The following PDE4D variants were observed in gnomAD, a reference collection of about 807,000 sequenced individuals.
The protein encoded by PDE4D is phosphodiesterase 4D.
In PDE4D, 24 loss-of-function variants were observed where a neutral mutation model predicts 87.4. That is an observed-to-expected ratio of 0.27 (90% confidence interval 0.20 to 0.39). The LOEUF is 0.39. Ranked by LOEUF, PDE4D falls within the 10% of genes least tolerant of loss-of-function variation. The pLI, the probability that PDE4D is intolerant of heterozygous loss-of-function variation, is 1.00. For synonymous variants in PDE4D, 384 were observed against 383.2 expected, an observed-to-expected ratio of 1.00 and a Z score of -0.02; for missense variants, 714 against 1,041.0, an observed-to-expected ratio of 0.69 and a Z score of 4.32.
intron 1 of PDE4D, among the ~76,000 whole-genome samples, chr5:59,611,731 T>C (rs1388569695): frequency 1.3e-5 from 2 of 152,222 alleles, no homozygotes; most frequent in East Asian, 3.8e-4. Flanking sequence ...AATCTCACTT[T>C]GGCCCACCTT....
chr5:59,393,174 A>T (rs1375591326), intron 1 of PDE4D, among the ~76,000 whole-genome samples: 1 of 152,186 alleles, frequency 6.6e-6, no homozygotes, highest in Non-Finnish European at 1.5e-5. Flanking sequence ...TATGGAAAGA[A>T]ATATACTGAT....
chr5:60,416,467 G>A (rs949055994), intron 1 of PDE4D, among the ~76,000 whole-genome samples: 5 of 151,914 alleles, frequency 3.3e-5, no homozygotes, highest in Non-Finnish European at 5.9e-5. Context: ...GGAAGCCAGC[G>A]AGACCACAAA....
chr5:59,563,174 G>A (rs943226955), intron 1 of PDE4D, among the ~76,000 whole-genome samples: 2 of 152,214 alleles, frequency 1.3e-5, no homozygotes, highest in Non-Finnish European at 2.9e-5. Flanking sequence ...TGTCAGACAT[G>A]CTGCTGAGCA....
At chr5:60,287,419 G>C (rs1053154043) in intron 1 of PDE4D, among the ~76,000 whole-genome samples, 1 of 152,186 alleles carries the variant, frequency 6.6e-6, no homozygotes, top group Non-Finnish European at 1.5e-5. Context: ...CTTGCCTCTT[G>C]TAAGTACGTG....
intron 1 of PDE4D, among the ~76,000 whole-genome samples, chr5:60,466,902 T>C (rs1358573573): frequency 1.4e-5 from 2 of 141,680 alleles, no homozygotes; most frequent in South Asian, 2.6e-4. Context: ...CCACCCAGTA[T>C]AGGCCCTTGT....
Position 59,077,444 on chromosome 5 carries a change from T to C in PDE4D, c.809-38473A>G, listed in dbSNP as rs1274613356. Reference sequence around the variant, plus strand: ...AAGCAGTTACACTATACTGTATATCTGCAGGATGGGCAACTGATTTTTTTT... The same window carrying C: ...AAGCAGTTACACTATACTGTATATCCGCAGGATGGGCAACTGATTTTTTTT... On this transcript the variant is annotated intron_variant, in intron 5 of 14. Coordinates refer to ENST00000340635, the MANE Select transcript of PDE4D (RefSeq NM_001104631.2). 2.6e-5 allele frequency among the ~76,000 whole-genome samples: 4 copies of C among 151,714 alleles called. No homozygotes were observed. The East Asian group carries it at 7.8e-4, about 29-fold the overall frequency.
chr5:60,436,400 C>A (rs542734161), intron 1 of PDE4D, among the ~76,000 whole-genome samples: 2 of 152,164 alleles, frequency 1.3e-5, no homozygotes, highest in South Asian at 2.1e-4. Flanking sequence ...ATTTATTTCC[C>A]TGAGCTCTCC....
At chr5:59,810,781 T>C (rs951431931) in intron 1 of PDE4D, among the ~76,000 whole-genome samples, 3 of 152,260 alleles carry the variant, frequency 2.0e-5, no homozygotes, top group African/African-American at 7.2e-5. Context: ...ATACAAACTT[T>C]AATGGCTATT....
At chr5:60,133,428 A>T (rs1304751335) in intron 2 of PDE4D, among the ~76,000 whole-genome samples, 1 of 152,062 alleles carries the variant, frequency 6.6e-6, no homozygotes. Flanking sequence ...TCCTGGGTTC[A>T]AGTGATTCTC....
At chr5:59,694,195 T>C (rs2150417632) in intron 1 of PDE4D, among the ~76,000 whole-genome samples, 1 of 152,322 alleles carries the variant, frequency 6.6e-6, no homozygotes, top group Admixed American at 6.5e-5. Context: ...CAAAACTTTA[T>C]TATTTTATTG....
At chr5:60,224,442 T>C (rs1203694517) in intron 1 of PDE4D, among the ~76,000 whole-genome samples, 1 of 152,130 alleles carries the variant, frequency 6.6e-6, no homozygotes, top group Admixed American at 6.6e-5. Context: ...TGTGTGATTC[T>C]GCTTCCCTTG....
intron 1 of PDE4D, among the ~76,000 whole-genome samples, chr5:59,505,890 T>C (rs956657779): frequency 3.9e-5 from 6 of 152,308 alleles, no homozygotes; most frequent in Admixed American, 1.3e-4. Context: ...TCATAGCTCA[T>C]AGATGAAATA....
At chr5:60,515,133 T>C (rs917562191) in intron 1 of PDE4D, among the ~76,000 whole-genome samples, 1 of 152,150 alleles carries the variant, frequency 6.6e-6, no homozygotes, top group Non-Finnish European at 1.5e-5. Flanking sequence ...GAACCATTTT[T>C]CTTTGTGTCA....
At chr5:60,172,101 A>C in intron 2 of PDE4D, among the ~76,000 whole-genome samples, 1 of 147,112 alleles carries the variant, frequency 6.8e-6, no homozygotes, top group Admixed American at 6.8e-5. Flanking sequence ...TAAATGAGTG[A>C]ATATATATAT....
intron 5 of PDE4D, among the ~76,000 whole-genome samples, chr5:59,155,343 A>C (rs1425742168): frequency 1.3e-5 from 2 of 152,216 alleles, no homozygotes; most frequent in East Asian, 3.8e-4. Context: ...AATGGCTCCC[A>C]ACAAAAACAT....
chr5:59,273,059 G>A (rs17528550), intron 1 of PDE4D, among the ~76,000 whole-genome samples: 9,750 of 152,226 alleles, frequency 0.064, 348 homozygotes, highest in Middle Eastern at 0.13. Context: ...AGATGGTAAA[G>A]CCAGAAAGAT....
chr5:59,050,126 G>A (rs566322505), intron 5 of PDE4D, among the ~76,000 whole-genome samples: 67 of 152,248 alleles, frequency 4.4e-4, no homozygotes, highest in Non-Finnish European at 9.0e-4. Context: ...CATTAGCCAC[G>A]CATGGTGGCG....
At chr5:60,056,893 C>T (rs935684520) in intron 2 of PDE4D, among the ~76,000 whole-genome samples, 5 of 151,940 alleles carry the variant, frequency 3.3e-5, no homozygotes, top group African/African-American at 1.2e-4. Context: ...CCAGGTAGAA[C>T]TATAGCTATT....
At chr5:59,287,734 GAGAC>G (rs796558336) in intron 1 of PDE4D, among the ~76,000 whole-genome samples, 18 of 151,390 alleles carry the variant, frequency 1.2e-4, no homozygotes, top group Middle Eastern at 3.4e-3. Flanking sequence ...GAGAGAGAGA[GAGAC>G]AGACAGACAG....
Sources: allele counts gnomAD v4.1 joint callset (sites outside exome capture counted in the v4.1 genomes callset), GRCh38; gene constraint gnomAD v4.1.1; transcripts MANE v1.5; gene names NCBI Gene and HGNC (gene_info 2026-07-23, HGNC 2026-07-21).